Variants in TYRO3 observed in about 807,000 individuals in gnomAD.
TYRO3 encodes TYRO3 protein tyrosine kinase, also known as tyrosine-protein kinase receptor TYRO3.
A neutral mutation model predicts 95.2 loss-of-function variants in TYRO3; 38 were observed. The ratio of observed to expected loss-of-function variants is 0.40; its 90% CI spans 0.31 to 0.52. The LOEUF (loss-of-function observed/expected upper bound fraction) is 0.52, where lower values mean the gene tolerates loss of function less well. TYRO3 is among the 20% of genes least tolerant of loss of function. The pLI is 0.56. For synonymous variants in TYRO3, 367 were observed against 432.9 expected, an observed-to-expected ratio of 0.85 and a Z score of 1.89; for missense variants, 812 against 1,116.4, an observed-to-expected ratio of 0.73 and a Z score of 3.89.
intron 2 of TYRO3, 68 bp from the exon 3 acceptor site, chr15:41,561,471 C>T (rs2055654585): frequency 7.5e-7 from 1 of 1,341,628 alleles, no homozygotes; most frequent in African/African-American, 1.5e-5. Flanking sequence ...AGGCTGAACT[C>T]ATCAAGTTTG....
intron 15 of TYRO3, 100 bp from the exon 16 acceptor site, chr15:41,572,902 T>A: frequency 1.1e-6 from 1 of 951,570 alleles, no homozygotes; most frequent in Non-Finnish European, 1.6e-6. Flanking sequence ...TTCCAGTGAT[T>A]CTGGGGACAG....
intron 18 of TYRO3, 70 bp from the exon 19 acceptor site, chr15:41,577,816 C>T: frequency 4.6e-6 from 7 of 1,510,992 alleles, no homozygotes; most frequent in Non-Finnish European, 6.2e-6. Flanking sequence ...ACCCTAGTGC[C>T]ATATGATGAA....
chr15:41,561,632 G>C lies in TYRO3; in HGVS notation c.402G>C (p.Thr134=), dbSNP rs773701750. The C allele has an allele frequency of 1.3e-6, 2 of 1,575,252 alleles. No homozygotes were observed. The highest frequency in any genetic ancestry group is 1.7e-6 in the Non-Finnish European group (2 of 1,160,976). ...AGATCTCCCAGCCAGTGTGGCTCAC[G>C]GTAGAAGGTGAGGAGGCAGAGCCAT... is the stretch of plus-strand genomic sequence containing the variant. ...ETEISQPVWL[T]VEGVPFFTVE... Residue 134 remains threonine (T), a synonymous_variant, in exon 3 of 19, where the codon ACG becomes ACC. Transcript: ENST00000263798.
intron 6 of TYRO3, among the ~76,000 whole-genome samples, chr15:41,565,912 C>T (rs1206330024): frequency 2.6e-5 from 4 of 152,154 alleles, no homozygotes; most frequent in Admixed American, 2.6e-4. Flanking sequence ...CAGGCTTGCT[C>T]ATTTTCATCC....
intron 18 of TYRO3, chr15:41,577,385 G>A (rs1200343): frequency 0.95 from 144,683 of 152,288 alleles, 69,087 homozygotes; most frequent in Non-Finnish European, 1. Context: ...GAGTTCAATT[G>A]TGCAATCTCG....
chr15:41,573,529 T>C, intron 17 of TYRO3, 62 bp downstream of exon 17: 4 of 1,609,470 alleles, frequency 2.5e-6, no homozygotes, highest in Non-Finnish European at 3.4e-6. Flanking sequence ...TTTAGGATCC[T>C]TAAGGGCCTA....
At chr15:41,567,266 G>A (rs2055734399) in intron 6 of TYRO3, 94 bp from the exon 7 acceptor site, 1 of 1,112,096 alleles carries the variant, frequency 9.0e-7, no homozygotes, top group Non-Finnish European at 1.2e-6. Flanking sequence ...GCTGATAGAG[G>A]AAGCATTCAT....
At chr15:41,563,329 C>T (rs965951687) in intron 4 of TYRO3, among the ~76,000 whole-genome samples, 2 of 152,250 alleles carry the variant, frequency 1.3e-5, no homozygotes, top group East Asian at 3.9e-4. Flanking sequence ...GTAAGGCTTG[C>T]TTATTTGTGA....
At chr15:41,571,915 T>A (rs1359587814) in intron 14 of TYRO3, among the ~76,000 whole-genome samples, 2 of 151,672 alleles carry the variant, frequency 1.3e-5, no homozygotes, top group Non-Finnish European at 2.9e-5. Context: ...CTCAGCACTT[T>A]GGGAGGCTGA....
chr15:41,577,875 C>T lies in TYRO3; in HGVS notation c.2283-11C>T, dbSNP rs1183744856. ...GGCTCCTGCCTTTTCTCACGCTTCT[C>T]TCCACCCCAGGTATGATCTCATGTA... On this transcript the variant is annotated splice_polypyrimidine_tract_variant and intron_variant, in intron 18 of 18. Coordinates refer to ENST00000263798, the MANE Select transcript of TYRO3 (RefSeq NM_006293.4). The T allele has an allele frequency of 8.1e-7, 1 of 1,238,684 alleles. No homozygotes were observed. The highest frequency in any genetic ancestry group is 1.1e-6 in the Non-Finnish European group (1 of 904,168). 76.7% of individuals were successfully genotyped at this position (1,238,684 alleles called of 1,614,324 possible).
At position 41,561,330 on chromosome 15, in the gene TYRO3, G is replaced by T; in HGVS notation, c.308+20G>T. The T allele has an allele frequency of 7.5e-7, 1 of 1,332,770 alleles. No individual in the cohort carries two copies. Among genetic ancestry groups the T allele is most frequent in the South Asian group, 1.3e-5 (1 of 78,082 alleles). 82.6% of individuals were successfully genotyped at this position (1,332,770 alleles called of 1,614,324 possible). A position where few individuals can be genotyped will look rare whatever the true frequency, so the allele number is the denominator to read the frequency against. Reference sequence around the variant, plus strand: ...CCTCAGGTGCAGGCCTGTGGGGGAAGGTGTGGGCTGCCAGCCAGGGGGCAG... The same window carrying T: ...CCTCAGGTGCAGGCCTGTGGGGGAATGTGTGGGCTGCCAGCCAGGGGGCAG... On this transcript the variant is annotated intron_variant, in intron 2 of 18. Transcript: ENST00000263798.
rs749847800 is a variant in TYRO3, at chr15:41,561,309, AGGTGCAG to A, written c.308+1_308+7del. The A allele has an allele frequency of 3.7e-6, 6 of 1,608,240 alleles. No homozygotes were observed. Among genetic ancestry groups the A allele is most frequent in the South Asian group, 2.2e-5 (2 of 90,464 alleles). On this transcript the variant is annotated splice_donor_variant and splice_donor_5th_base_variant and coding_sequence_variant and intron_variant, in exon 2 of 19. Coordinates refer to ENST00000263798, the MANE Select transcript of TYRO3 (RefSeq NM_006293.4). LOFTEE classifies it high-confidence loss of function. ...CGAGCAGCACTGGATCGGCTTCCTC[AGGTGCAG>A]GCCTGTGGGGGAAGGTGTGGGCTGC...
Position 41,570,136 on chromosome 15 carries a change from A to T in TYRO3, c.1362A>T (p.Arg454Ser). 1.9e-6 allele frequency: 3 copies of T among 1,614,128 alleles called. No individual in the cohort carries two copies. Among genetic ancestry groups the T allele is most frequent in the Non-Finnish European group, 2.5e-6 (3 of 1,180,024 alleles). ...AALALILLRK[R>S]RKETRFGQAF... The stretch of plus-strand genomic sequence containing the variant: ...TGGCCCTCATCCTGCTTCGAAAGAG[A>T]CGGAAAGAGACGCGGTTTGGGTAAG... Residue 454 changes from arginine (R) to serine (S), a missense_variant, in exon 10 of 19, where the codon AGA (arginine) becomes AGT (serine). Physicochemically the swap from Arg to Ser is moderately radical, Grantham distance 110. Transcript: ENST00000263798.
intron 6 of TYRO3, among the ~76,000 whole-genome samples, chr15:41,565,642 T>G (rs1214062314): frequency 6.7e-6 from 1 of 149,630 alleles, no homozygotes; most frequent in Non-Finnish European, 1.5e-5. Flanking sequence ...TTAGCCAGCC[T>G]GATCTCAAAC....
At chr15:41,572,297 C>T (rs1566902798) in intron 14 of TYRO3, 146 bp from the exon 15 acceptor site, 2 of 1,188,610 alleles carry the variant, frequency 1.7e-6, no homozygotes, top group Non-Finnish European at 2.3e-6. Flanking sequence ...GGGTAGTCCC[C>T]AGACCAGTGT....
At chr15:41,572,324 TA>T in intron 14 of TYRO3, 118 bp from the exon 15 acceptor site, 1 of 1,425,954 alleles carries the variant, frequency 7.0e-7, no homozygotes. Context: ...TGTGAAAAAA[TA>T]AAAAATAAAT....
Position 41,559,229 on chromosome 15 carries a change from G to T in TYRO3, c.-29G>T. The T allele has an allele frequency of 3.1e-6, 1 of 323,610 alleles. No homozygotes were observed. Among genetic ancestry groups the T allele is most frequent in the Non-Finnish European group, 5.3e-6 (1 of 187,878 alleles). The allele number at this position is 323,610 out of a possible 1,614,324, so 20.0% of individuals were successfully genotyped here. ...CCTCCTCCCTCCTCGCTCGCGGGCC[G>T]GGCCCGGCATGGTGCGGCGTCGCCG... is the stretch of plus-strand genomic sequence containing the variant. On this transcript the variant is annotated 5_prime_UTR_variant, in exon 1 of 19. Coordinates refer to ENST00000263798, the MANE Select transcript of TYRO3 (RefSeq NM_006293.4).
intron 18 of TYRO3, among the ~76,000 whole-genome samples, chr15:41,576,853 A>T (rs550769865): frequency 6.6e-6 from 1 of 150,740 alleles, no homozygotes; most frequent in South Asian, 2.1e-4. Flanking sequence ...TAATAGAGAC[A>T]TGGTCTCGCT....
chr15:41,566,750 A>G (rs1208007656), intron 6 of TYRO3, among the ~76,000 whole-genome samples: 1 of 152,218 alleles, frequency 6.6e-6, no homozygotes, highest in Non-Finnish European at 1.5e-5. Context: ...GGATTTGGAG[A>G]GTTACAAATG....
Sources: allele counts gnomAD v4.1 joint callset (sites outside exome capture counted in the v4.1 genomes callset), GRCh38; gene constraint gnomAD v4.1.1; transcripts MANE v1.5; gene names NCBI Gene and HGNC (gene_info 2026-07-23, HGNC 2026-07-21).